Variants in SPAG1 observed in about 807,000 individuals in gnomAD.
SPAG1 encodes sperm-associated antigen 1.
SPAG1 carries 69 observed loss-of-function variants against 100.5 expected under a neutral mutation model. The observed-to-expected ratio is 0.69, with a 90% CI of 0.57 to 0.84. The LOEUF is 0.84. SPAG1 is among the 40% of genes least tolerant of loss of function. SPAG1 has a pLI of 0.00. For missense variants in SPAG1, 955 were observed against 1,133.1 expected (o/e 0.84, Z 2.26); for synonymous variants, 336 against 411.6 (o/e 0.82, Z 2.22).
intron 14 of SPAG1, among the ~76,000 whole-genome samples, chr8:100,227,527 C>G (rs1054015721): frequency 3.9e-5 from 6 of 152,156 alleles, no homozygotes; most frequent in Non-Finnish European, 7.3e-5. Context: ...TTATGGAGAT[C>G]TGTAGTTTTC....
At chr8:100,191,973 C>T (rs1045015439) in intron 9 of SPAG1, among the ~76,000 whole-genome samples, 3 of 152,240 alleles carry the variant, frequency 2.0e-5, no homozygotes, top group South Asian at 2.1e-4. Context: ...TTTTCCCCTG[C>T]TTACAAATGA....
At chr8:100,199,448 T>TTGG (rs1554655150) in intron 10 of SPAG1, among the ~76,000 whole-genome samples, 1 of 152,198 alleles carries the variant, frequency 6.6e-6, no homozygotes, top group Admixed American at 6.5e-5. Context: ...TTGCCTTTTT[T>TTGG]TTGTTGTTGT....
intron 8 of SPAG1, among the ~76,000 whole-genome samples, chr8:100,188,162 G>GT (rs1237057132): frequency 4.0e-5 from 6 of 151,314 alleles, no homozygotes; most frequent in Non-Finnish European, 7.4e-5. Context: ...GCCTGTTTTT[G>GT]TTTTTTTGAG....
intron 3 of SPAG1, among the ~76,000 whole-genome samples, chr8:100,176,251 A>G (rs1316970264): frequency 2.0e-5 from 3 of 152,146 alleles, no homozygotes; most frequent in Non-Finnish European, 4.4e-5. Flanking sequence ...CTGGCGTTCA[A>G]TTCTTCAGCT....
rs949514665 is a variant in SPAG1, at chr8:100,165,673, C to T, written c.141-141C>T. On this transcript the variant is annotated intron_variant, in intron 2 of 18. Coordinates refer to ENST00000388798, the MANE Select transcript of SPAG1 (RefSeq NM_003114.5). ...TTAACGGGTAAAAATGGAGACTATG[C>T]GGGTTAAGGAAAGAGACTGGGAAGC... 1.6e-5 allele frequency: 10 copies of T among 608,548 alleles called. No individual in the cohort carries two copies. The South Asian group carries it at 1.7e-4, about 10-fold the overall frequency. 37.7% of individuals were successfully genotyped at this position (608,548 alleles called of 1,614,324 possible). A position where few individuals can be genotyped will look rare whatever the true frequency, so the allele number is the denominator to read the frequency against.
intron 3 of SPAG1, among the ~76,000 whole-genome samples, chr8:100,177,090 A>G (rs1286863607): frequency 1.3e-5 from 2 of 151,790 alleles, no homozygotes; most frequent in Non-Finnish European, 2.9e-5. Context: ...TTGTAATATC[A>G]TGTGTTCTCT....
At chr8:100,202,601 TCGGGAGGCTGAGGCAGGAGAATGGC>T in intron 10 of SPAG1, among the ~76,000 whole-genome samples, 2 of 147,672 alleles carry the variant, frequency 1.4e-5, no homozygotes. Flanking sequence ...TCCCAGCTAC[TCGGGAGGCTGAGGCAGGAGAATGGC>T]GTGAACCCGG....
At chr8:100,204,438 T>A (rs1219545743) in intron 10 of SPAG1, among the ~76,000 whole-genome samples, 2 of 152,074 alleles carry the variant, frequency 1.3e-5, no homozygotes, top group African/African-American at 4.8e-5. Context: ...GAACATAGAG[T>A]TGGATCAGGC....
chr8:100,175,548 G>A (rs1358115547), intron 3 of SPAG1, among the ~76,000 whole-genome samples: 1 of 152,098 alleles, frequency 6.6e-6, no homozygotes, highest in Non-Finnish European at 1.5e-5. Flanking sequence ...AGCTTCCAAA[G>A]TTCTGGGATT....
At chr8:100,160,266 AAAGT>A (rs377597294) in intron 1 of SPAG1, among the ~76,000 whole-genome samples, 6 of 152,208 alleles carry the variant, frequency 3.9e-5, no homozygotes, top group African/African-American at 1.2e-4. Context: ...GAGGATAAAT[AAAGT>A]AAGTTCTTTC....
chr8:100,222,094 G>T (rs1818309207), intron 13 of SPAG1, among the ~76,000 whole-genome samples: 1 of 152,166 alleles, frequency 6.6e-6, no homozygotes, highest in Admixed American at 6.5e-5. Flanking sequence ...CCACCCCACG[G>T]TGCGCCATCT....
intron 3 of SPAG1, among the ~76,000 whole-genome samples, chr8:100,175,647 G>C (rs576384187): frequency 6.6e-6 from 1 of 152,224 alleles, no homozygotes; most frequent in East Asian, 1.9e-4. Flanking sequence ...AATTAGAGAC[G>C]TTGTGTTTAG....
In SPAG1 at chr8:100,240,902, A is replaced by C; in HGVS notation, c.2661A>C (p.Thr887=). 2 of 1,596,580 alleles carry C rather than the reference A, an allele frequency of 1.3e-6. No individual in the cohort carries two copies. Among genetic ancestry groups the C allele is most frequent in the Non-Finnish European group, 1.7e-6 (2 of 1,175,156 alleles). The change falls in exon 19 of 19, where the codon ACA becomes ACC. Residue 887 remains threonine (T), a synonymous_variant. Coordinates refer to ENST00000388798, the MANE Select transcript of SPAG1 (RefSeq NM_003114.5). ...SKAERFKMML[T]LISKGQKELI... ...TTTGCTTCTTTTAGATGATGTTGACACTAATTAGCAAGGGCCAAAAGGAGC... is the reference window on the plus strand; with the variant it reads ...TTTGCTTCTTTTAGATGATGTTGACCCTAATTAGCAAGGGCCAAAAGGAGC...
intron 8 of SPAG1, among the ~76,000 whole-genome samples, chr8:100,189,814 T>C (rs1381328351): frequency 2.0e-5 from 3 of 152,206 alleles, no homozygotes; most frequent in African/African-American, 7.2e-5. Flanking sequence ...TGAATATTTC[T>C]TCATAGAAAT....
chr8:100,190,663 C>CTT (rs758612610), intron 8 of SPAG1, among the ~76,000 whole-genome samples: 1,565 of 111,770 alleles, frequency 0.014, 53 homozygotes, highest in African/African-American at 0.04. Context: ...CTTTTTTTTT[C>CTT]TTTTTTTTTT....
intron 10 of SPAG1, among the ~76,000 whole-genome samples, chr8:100,202,347 A>AC (rs1055061659): frequency 7.2e-5 from 11 of 151,778 alleles, no homozygotes; most frequent in Non-Finnish European, 1.5e-4. Context: ...TTGTTTAAAA[A>AC]AAAAAACAAA....
At chr8:100,175,964 C>A (rs529849051) in intron 3 of SPAG1, among the ~76,000 whole-genome samples, 1 of 152,278 alleles carries the variant, frequency 6.6e-6, no homozygotes, top group Admixed American at 6.5e-5. Context: ...TGAGTTTGCA[C>A]AAAATAGTTG....
chr8:100,203,166 C>T (rs1817361927), intron 10 of SPAG1, among the ~76,000 whole-genome samples: 1 of 152,170 alleles, frequency 6.6e-6, no homozygotes. Flanking sequence ...CCTAGCCTCC[C>T]AGCAGCCTAC....
At chr8:100,227,146 C>T (rs1032721282) in intron 14 of SPAG1, among the ~76,000 whole-genome samples, 1 of 152,190 alleles carries the variant, frequency 6.6e-6, no homozygotes, top group Admixed American at 6.5e-5. Context: ...CGACAAATTT[C>T]GCAGAATGTA....
Sources: gnomAD v4.1 joint callset for allele counts (sites outside exome capture counted in the v4.1 genomes callset) on GRCh38, gnomAD v4.1.1 for gene constraint, MANE v1.5 for transcripts, NCBI Gene and HGNC (gene_info 2026-07-23, HGNC 2026-07-21) for gene names.